TMEM179: variants seen among roughly 807,000 people sequenced by gnomAD.
The protein encoded by TMEM179 is transmembrane protein 179A.
TMEM179 carries 17 observed loss-of-function variants against 22.2 expected under a neutral mutation model. The ratio of observed to expected loss-of-function variants is 0.77; its 90% CI spans 0.52 to 1.15. The LOEUF is 1.15. Among genes scored for constraint, TMEM179 ranks in the 50% most tolerant of loss-of-function variants. The pLI, the probability that TMEM179 is intolerant of heterozygous loss-of-function variation, is 0.00. For synonymous variants in TMEM179, 127 were observed against 140.5 expected (o/e 0.90, Z 0.68); for missense variants, 265 against 313.6 (o/e 0.84, Z 1.17).
chr14:104,591,281 G>C lies in TMEM179; in HGVS notation c.*2198C>G, dbSNP rs1886835651. Reference sequence around the variant, plus strand: ...CAGACCCAACCGGGGCCAAGCCTCAGGTTCCAGAAGCCACCCCTGCCTCCT... The same window carrying C: ...CAGACCCAACCGGGGCCAAGCCTCACGTTCCAGAAGCCACCCCTGCCTCCT... On this transcript the variant is annotated 3_prime_UTR_variant, in exon 4 of 4. Coordinates refer to ENST00000556573, the MANE Select transcript of TMEM179 (RefSeq NM_001286389.2). 2.3e-6 allele frequency: 1 copy of C among 439,292 alleles called. No homozygotes were observed. The highest frequency in any genetic ancestry group is 4.5e-6 in the Non-Finnish European group (1 of 220,626). 27.2% of individuals were successfully genotyped at this position (439,292 alleles called of 1,614,324 possible). A position where few individuals can be genotyped will look rare whatever the true frequency, so the allele number is the denominator to read the frequency against.
Position 104,593,459 on chromosome 14 carries a change from T to C in TMEM179, c.*20A>G. The C allele has an allele frequency of 6.5e-7, 1 of 1,535,892 alleles. No individual in the cohort carries two copies. Among genetic ancestry groups the C allele is most frequent in the Non-Finnish European group, 8.7e-7 (1 of 1,146,772 alleles). On this transcript the variant is annotated 3_prime_UTR_variant, in exon 4 of 4. Coordinates refer to ENST00000556573, the MANE Select transcript of TMEM179 (RefSeq NM_001286389.2). ...GCGCAGCAGGGAGGTCGGGGCCAGC[T>C]CCCCCTGCCTGCACTGTGCCTAAAT...
At chr14:104,601,470 TG>T (rs1026981026) in intron 1 of TMEM179, among the ~76,000 whole-genome samples, 6 of 151,956 alleles carry the variant, frequency 3.9e-5, no homozygotes, top group African/African-American at 1.2e-4. Context: ...TGGGGTCCCC[TG>T]GGGGGGGACC....
chr14:104,597,179 AC>A lies in TMEM179; in HGVS notation c.306-53del. ...CTCACTGGACACCACCTCCCAGGCG[AC>A]CCCCGCCCCCAGGCTGCAGCCAGAA... is the stretch of plus-strand genomic sequence containing the variant. On this transcript the variant is annotated intron_variant, in intron 1 of 3. Transcript: ENST00000556573. The surrounding 1 kb of genome is among the most constrained non-coding windows in gnomAD (Gnocchi z 4.8). 2 of 1,506,304 alleles carry A rather than the reference AC, an allele frequency of 1.3e-6. No individual in the cohort carries two copies. The highest frequency in any genetic ancestry group is 8.9e-7 in the Non-Finnish European group (1 of 1,127,088). 93.3% of individuals were successfully genotyped at this position (1,506,304 alleles called of 1,614,324 possible). A position where few individuals can be genotyped will look rare whatever the true frequency, so the allele number is the denominator to read the frequency against.
rs757795061 is a variant in TMEM179, at chr14:104,595,083, G to C, written c.522+82C>G. 4 of 1,601,794 alleles carry C rather than the reference G, an allele frequency of 2.5e-6. No homozygotes were observed. The highest frequency in any genetic ancestry group is 3.4e-6 in the Non-Finnish European group (4 of 1,172,992). Reference sequence around the variant, plus strand: ...CAGGAGCCTGCCTCCTCCTCTGGATGGGGGAGAGCTCAGCAAATGTCCAGC... The same window carrying C: ...CAGGAGCCTGCCTCCTCCTCTGGATCGGGGAGAGCTCAGCAAATGTCCAGC... On this transcript the variant is annotated intron_variant, in intron 3 of 3. Transcript: ENST00000556573. The surrounding 1 kb of genome is among the most constrained non-coding windows in gnomAD (Gnocchi z 5.7).
chr14:104,594,003 G>T, intron 3 of TMEM179: 1 of 1,200,018 alleles, frequency 8.3e-7, no homozygotes, highest in Non-Finnish European at 1.0e-6. Context: ...AGCAGCTCCG[G>T]CCTGTCGGCT....
In TMEM179 at chr14:104,595,167, G is replaced by A; in HGVS notation, c.520C>T (p.Gln174Ter). 1 of 1,613,726 alleles carries A rather than the reference G, an allele frequency of 6.2e-7. No individual in the cohort carries two copies. Among genetic ancestry groups the A allele is most frequent in the Non-Finnish European group, 8.5e-7 (1 of 1,179,968 alleles). The stretch of plus-strand genomic sequence containing the variant: ...CCTTCTTGCCCAGAGCCCCCTACCT[G>A]GGCAATTGCAAACTGATCGTAGAAG... Reference protein sequence around the residue: ...SAFYDQFAIAQFGLWASWLAW... With the variant: ...SAFYDQFAIA Residue 174 changes from glutamine to a stop codon, truncating the protein, a stop_gained and splice_region_variant, in exon 3 of 4, where the codon CAG (glutamine) becomes TAG (stop). Transcript: ENST00000556573. LOFTEE classifies it high-confidence loss of function. The surrounding 1 kb of genome is among the most constrained non-coding windows in gnomAD (Gnocchi z 5.7).
chr14:104,591,638 G>C lies in TMEM179; in HGVS notation c.*1841C>G, dbSNP rs554174186. ...ATGGGCACCTGCCAGCCTCACTCCC[G>C]GGACCCAGGATGATGCCCCCACCAG... On this transcript the variant is annotated 3_prime_UTR_variant, in exon 4 of 4. Transcript: ENST00000556573. The C allele has an allele frequency of 5.8e-6, 2 of 343,782 alleles. No individual in the cohort carries two copies. The highest frequency in any genetic ancestry group is 4.0e-5 in the Admixed American group (1 of 24,836). The allele number at this position is 343,782 out of a possible 1,614,324, so 21.3% of individuals were successfully genotyped here.
intron 1 of TMEM179, among the ~76,000 whole-genome samples, chr14:104,598,756 T>C (rs1887133463): frequency 6.6e-6 from 1 of 152,168 alleles, no homozygotes; most frequent in Admixed American, 6.5e-5. Flanking sequence ...CCGGACACAC[T>C]GTTTTGGTGA....
intron 1 of TMEM179, among the ~76,000 whole-genome samples, chr14:104,601,421 T>C (rs1887234140): frequency 6.6e-6 from 1 of 152,320 alleles, no homozygotes; most frequent in East Asian, 1.9e-4. Context: ...ATAAGGTGCA[T>C]GTCTGCCTTG....
intron 1 of TMEM179, among the ~76,000 whole-genome samples, chr14:104,603,543 C>CTCACAGAGGGAGTGGGTGGGT (rs1566747217): frequency 9.7e-6 from 1 of 103,620 alleles, no homozygotes; most frequent in African/African-American, 4.5e-5. Flanking sequence ...AGTGGGTGGG[C>CTCACAGAGGGAGTGGGTGGGT]TCACAGAGGG....
intron 2 of TMEM179, among the ~76,000 whole-genome samples, chr14:104,596,458 G>T (rs1282389681): frequency 6.6e-6 from 1 of 152,166 alleles, no homozygotes; most frequent in Non-Finnish European, 1.5e-5. Flanking sequence ...CCCTCACCCT[G>T]CCAGAAGCTT....
intron 1 of TMEM179, among the ~76,000 whole-genome samples, chr14:104,600,598 T>G (rs533880014): frequency 7.6e-4 from 115 of 152,264 alleles, no homozygotes; most frequent in Middle Eastern, 3.4e-3. Flanking sequence ...ATTCATTCAT[T>G]CATTCATTCA....
In TMEM179 at chr14:104,597,963, C is replaced by G. The variant is rs1005119137; in HGVS notation, c.306-836G>C. 2.6e-5 allele frequency among the ~76,000 whole-genome samples: 4 copies of G among 152,228 alleles called. No individual in the cohort carries two copies. Among genetic ancestry groups the G allele is most frequent in the African/African-American group, 9.6e-5 (4 of 41,458 alleles). On this transcript the variant is annotated intron_variant, in intron 1 of 3. Coordinates refer to ENST00000556573, the MANE Select transcript of TMEM179 (RefSeq NM_001286389.2). This position sits in a 1 kb window ranked among gnomAD's most constrained non-coding sequence, Gnocchi z 4.8. ...GAGGCAGGGCCATGAGGAAGGAGCT[C>G]ACTTAGGGCTGGGCCACACTGCCCC...
At chr14:104,600,323 G>A (rs1459652530) in intron 1 of TMEM179, among the ~76,000 whole-genome samples, 1 of 152,214 alleles carries the variant, frequency 6.6e-6, no homozygotes, top group Admixed American at 6.5e-5. Context: ...TGCCGCTCAG[G>A]GTGCCCTGCC....
intron 1 of TMEM179, among the ~76,000 whole-genome samples, chr14:104,598,941 G>C (rs1474524651): frequency 6.6e-6 from 1 of 152,244 alleles, no homozygotes. Flanking sequence ...CGTGGGGGGT[G>C]ACCGAGCCTC....
chr14:104,595,103 T>A lies in TMEM179; in HGVS notation c.522+62A>T, dbSNP rs1886973350. 1 of 1,610,272 alleles carries A rather than the reference T, an allele frequency of 6.2e-7. No homozygotes were observed. The highest frequency in any genetic ancestry group is 8.5e-7 in the Non-Finnish European group (1 of 1,178,250). On this transcript the variant is annotated intron_variant, in intron 3 of 3. Transcript: ENST00000556573. The surrounding 1 kb of genome is among the most constrained non-coding windows in gnomAD (Gnocchi z 5.7). ...TGGATGGGGGAGAGCTCAGCAAATG[T>A]CCAGCAGTAAATGGCCCCCTCCCAG...
intron 3 of TMEM179, chr14:104,594,720 G>A: frequency 8.7e-7 from 1 of 1,155,850 alleles, no homozygotes. Flanking sequence ...CTCCTTCCTT[G>A]GACTCTGTAT....
intron 1 of TMEM179, among the ~76,000 whole-genome samples, chr14:104,601,602 T>C (rs1441646725): frequency 2.0e-5 from 3 of 152,280 alleles, no homozygotes; most frequent in Admixed American, 6.5e-5. Flanking sequence ...GTGCAGTGCA[T>C]GAGGTGGGGG....
rs1288737257 is a variant in TMEM179 at position 104,604,126 on chromosome 14, T to C, written c.305+311A>G. ...GCCCGGCTGAGCCCGCCCAGGAAGG[T>C]CCAGGCCTGCTGGGTGATGACAGTG... On this transcript the variant is annotated intron_variant, in intron 1 of 3. Coordinates refer to ENST00000556573, the MANE Select transcript of TMEM179 (RefSeq NM_001286389.2). The surrounding 1 kb of genome is among the most constrained non-coding windows in gnomAD (Gnocchi z 4.6). 1.3e-5 allele frequency among the ~76,000 whole-genome samples: 2 copies of C among 152,082 alleles called. No individual in the cohort carries two copies. The highest frequency in any genetic ancestry group is 4.8e-5 in the African/African-American group (2 of 41,418).
Sources: allele counts gnomAD v4.1 joint callset (sites outside exome capture counted in the v4.1 genomes callset), GRCh38; gene constraint gnomAD v4.1.1; non-coding constraint Gnocchi (gnomAD v3.1); transcripts MANE v1.5; gene names NCBI Gene and HGNC (gene_info 2026-07-23, HGNC 2026-07-21).